The following PTPRN2 variants were observed in gnomAD, a reference collection of about 807,000 sequenced individuals.
PTPRN2 encodes the protein receptor-type tyrosine-protein phosphatase N2.
PTPRN2 carries 74 observed loss-of-function variants against 118.8 expected under a neutral mutation model. That is an observed-to-expected ratio of 0.62 (90% CI 0.52 to 0.76). The LOEUF is 0.76. Among genes scored for constraint, PTPRN2 ranks in the 30% least tolerant of loss-of-function variants. The probability of loss-of-function intolerance (pLI) is 0.00; values close to 1 mark genes in which losing one functional copy is unlikely to be tolerated. For missense variants in PTPRN2, 1,481 were observed against 1,394.4 expected, an observed-to-expected ratio of 1.06 and a Z score of -0.99; for synonymous variants, 641 against 608.0, an observed-to-expected ratio of 1.05 and a Z score of -0.80.
chr7:157,603,044 G>A lies in PTPRN2; in HGVS notation c.2418+958C>T, dbSNP rs139314521. On this transcript the variant is annotated intron_variant, in intron 16 of 22. Coordinates refer to ENST00000389418, the MANE Select transcript of PTPRN2 (RefSeq NM_002847.5). The surrounding 1 kb of genome is among the most constrained non-coding windows in gnomAD (Gnocchi z 5.4). ...TAAAGGGGGAAACATGACAACCAGT[G>A]TCCGCCATAAATCTGCATGGAGCCC... Among the ~76,000 whole-genome samples, 1 of 152,310 alleles carries A rather than the reference G, an allele frequency of 6.6e-6. No homozygotes were observed. Among genetic ancestry groups the A allele is most frequent in the African/African-American group, 2.4e-5 (1 of 41,564 alleles).
chr7:157,855,902 A>T (rs1809678314), intron 12 of PTPRN2: 1 of 152,204 alleles, frequency 6.6e-6, no homozygotes, highest in South Asian at 2.1e-4. Context: ...TTTTTCTGAT[A>T]CTGAGTTGAT....
chr7:158,087,981 A>G (rs182068442), intron 10 of PTPRN2, among the ~76,000 whole-genome samples: 49 of 89,960 alleles, frequency 5.4e-4, no homozygotes, highest in South Asian at 1.7e-3. Context: ...TGAAAGAGGG[A>G]GTCTTCACAC....
chr7:157,714,179 A>G (rs979510690), intron 12 of PTPRN2, among the ~76,000 whole-genome samples: 1 of 152,272 alleles, frequency 6.6e-6, no homozygotes, highest in African/African-American at 2.4e-5. Flanking sequence ...TTAGAAGGCT[A>G]TGAAAAATTA....
chr7:158,195,028 C>T (rs915302766), intron 4 of PTPRN2, among the ~76,000 whole-genome samples: 8 of 152,342 alleles, frequency 5.3e-5, no homozygotes, highest in African/African-American at 1.7e-4. Context: ...CACCATCTAT[C>T]GGTGGATGCA....
intron 2 of PTPRN2, among the ~76,000 whole-genome samples, chr7:158,352,478 C>A (rs1051416251): frequency 6.6e-6 from 1 of 152,214 alleles, no homozygotes; most frequent in Non-Finnish European, 1.5e-5. Context: ...GGCTGCTTCA[C>A]CCTCCTGTGA....
At chr7:158,456,502 C>T (rs987853072) in intron 2 of PTPRN2, among the ~76,000 whole-genome samples, 11 of 147,568 alleles carry the variant, frequency 7.5e-5, no homozygotes, top group South Asian at 6.8e-4. Context: ...GAGAACATAA[C>T]GGCACGGATG....
intron 12 of PTPRN2, among the ~76,000 whole-genome samples, chr7:157,844,076 C>T (rs957675926): frequency 2.0e-5 from 3 of 150,856 alleles, no homozygotes; most frequent in Non-Finnish European, 4.4e-5. Flanking sequence ...GGCCCCTCCA[C>T]GTCGTGGATG....
Position 158,243,678 on chromosome 7 carries a change from C to A in PTPRN2, c.278-38405G>T, listed in dbSNP as rs543511497. On this transcript the variant is annotated intron_variant, in intron 3 of 22. Coordinates refer to ENST00000389418, the MANE Select transcript of PTPRN2 (RefSeq NM_002847.5). Reference sequence around the variant, plus strand: ...ACAGAGAGCAGGCTCTGCTCCTTGGCAGTAGTCTCTACTTAGTGCTAAGTA... The same window carrying A: ...ACAGAGAGCAGGCTCTGCTCCTTGGAAGTAGTCTCTACTTAGTGCTAAGTA... Among the ~76,000 whole-genome samples the A allele has an allele frequency of 8.5e-5, 13 of 152,264 alleles. No homozygotes were observed. The South Asian group carries it at 2.3e-3, about 27-fold the overall frequency.
At chr7:158,137,688 C>A (rs1248271243) in intron 7 of PTPRN2, among the ~76,000 whole-genome samples, 1 of 152,198 alleles carries the variant, frequency 6.6e-6, no homozygotes, top group Non-Finnish European at 1.5e-5. Context: ...CCCCTCTGCA[C>A]CCGTGCAGAG....
intron 11 of PTPRN2, chr7:158,030,277 C>T (rs1010680012): frequency 6.6e-6 from 1 of 152,258 alleles, no homozygotes; most frequent in Non-Finnish European, 1.5e-5. Context: ...TGGTGCATCC[C>T]CAGGACGGAT....
chr7:158,067,847 A>G (rs1258243189), intron 11 of PTPRN2, among the ~76,000 whole-genome samples: 1 of 150,660 alleles, frequency 6.6e-6, no homozygotes, highest in East Asian at 2.0e-4. Flanking sequence ...ACGCTGGGCC[A>G]TGGGCAGCAC....
At chr7:157,662,452 G>A (rs747548161) in intron 13 of PTPRN2, among the ~76,000 whole-genome samples, 32 of 152,216 alleles carry the variant, frequency 2.1e-4, no homozygotes, top group African/African-American at 2.9e-4. Context: ...AGCTGGGCAC[G>A]AGTGACCGCA....
intron 12 of PTPRN2, among the ~76,000 whole-genome samples, chr7:157,724,338 A>T (rs1799410524): frequency 6.6e-6 from 1 of 152,280 alleles, no homozygotes; most frequent in South Asian, 2.1e-4. Context: ...AATTACGAAC[A>T]TAAAACTTCT....
intron 9 of PTPRN2, among the ~76,000 whole-genome samples, chr7:158,123,792 G>A (rs1035624566): frequency 6.6e-6 from 1 of 152,208 alleles, no homozygotes; most frequent in Non-Finnish European, 1.5e-5. Flanking sequence ...TTTAAAAAGT[G>A]TGCCAAATAG....
intron 2 of PTPRN2, among the ~76,000 whole-genome samples, chr7:158,369,552 G>A (rs1278500025): frequency 6.6e-6 from 1 of 152,114 alleles, no homozygotes; most frequent in Admixed American, 6.6e-5. Context: ...GTCCAGTAGA[G>A]AAAGTAAAAG....
chr7:157,819,907 CACACA>C (rs997729023), intron 12 of PTPRN2, among the ~76,000 whole-genome samples: 2 of 151,838 alleles, frequency 1.3e-5, no homozygotes, highest in African/African-American at 4.8e-5. Flanking sequence ...TATGTGCACA[CACACA>C]ACACACCTGC....
In PTPRN2 at chr7:158,525,102, C is replaced by T. The variant is rs77004162; in HGVS notation, c.113-35317G>A. ...GCTCTGACTGAACCCTCAAGCTGGC[C>T]CTCCATGCGAAGAAATGCTGCGTCC... On this transcript the variant is annotated intron_variant, in intron 1 of 22. Transcript: ENST00000389418. The surrounding 1 kb of genome is among the most constrained non-coding windows in gnomAD (Gnocchi z 4.1). Among the ~76,000 whole-genome samples, 160 of 152,204 alleles carry T rather than the reference C, an allele frequency of 1.1e-3. 4 individuals carry two copies. In the East Asian group the frequency reaches 0.02, roughly 19 times the overall value.
intron 9 of PTPRN2, among the ~76,000 whole-genome samples, chr7:158,113,841 G>A (rs190907711): frequency 5.9e-5 from 9 of 152,174 alleles, no homozygotes; most frequent in Non-Finnish European, 8.8e-5. Context: ...TTCGAGGCAC[G>A]TAGCAATCCG....
At chr7:157,873,557 C>T (rs1314699655) in intron 12 of PTPRN2, among the ~76,000 whole-genome samples, 3 of 136,474 alleles carry the variant, frequency 2.2e-5, no homozygotes, top group African/African-American at 3.1e-5. Context: ...TCGTGGGGGC[C>T]GGGAGGAGAA....
Sources: gnomAD v4.1 joint callset for allele counts (sites outside exome capture counted in the v4.1 genomes callset) on GRCh38, gnomAD v4.1.1 for gene constraint, Gnocchi (gnomAD v3.1) non-coding constraint, MANE v1.5 for transcripts, NCBI Gene and HGNC (gene_info 2026-07-23, HGNC 2026-07-21) for gene names.